POLR3B: variants seen among roughly 807,000 people sequenced by gnomAD.
The protein encoded by POLR3B is DNA-directed RNA polymerase III subunit RPC2.
POLR3B carries 96 observed loss-of-function variants against 147.4 expected under a neutral mutation model. The observed-to-expected ratio is 0.65, with a 90% confidence interval of 0.55 to 0.77. The LOEUF (loss-of-function observed/expected upper bound fraction) is 0.77, where lower values mean the gene tolerates loss of function less well. Ranked by LOEUF, POLR3B falls within the 30% of genes least tolerant of loss-of-function variation. The pLI, the probability that POLR3B is intolerant of heterozygous loss-of-function variation, is 0.00. For synonymous variants in POLR3B, 461 were observed against 485.9 expected (o/e 0.95, Z 0.67); for missense variants, 1,036 against 1,413.5 (o/e 0.73, Z 4.28).
chr12:106,469,470 G>T (rs181884053), intron 23 of POLR3B, among the ~76,000 whole-genome samples: 2 of 152,100 alleles, frequency 1.3e-5, no homozygotes, highest in Admixed American at 6.6e-5. Context: ...ATATTGTTAT[G>T]TGTGAATTTG....
intron 23 of POLR3B, among the ~76,000 whole-genome samples, chr12:106,485,310 C>G (rs2038322508): frequency 6.6e-6 from 1 of 152,104 alleles, no homozygotes; most frequent in Non-Finnish European, 1.5e-5. Context: ...ACCTAACCAC[C>G]TCTTAAAGGC....
intron 23 of POLR3B, 151 bp downstream of exon 23, chr12:106,463,771 C>T (rs2037970194): frequency 2.8e-6 from 2 of 703,400 alleles, no homozygotes; most frequent in East Asian, 2.8e-5. Context: ...TTAGATTAAC[C>T]TGTTTATATT....
intron 10 of POLR3B, among the ~76,000 whole-genome samples, chr12:106,400,455 C>G (rs146746699): frequency 2.6e-4 from 39 of 152,242 alleles, no homozygotes; most frequent in African/African-American, 8.9e-4. Flanking sequence ...GAATTGAACT[C>G]GACTCTGCAC....
chr12:106,468,553 C>T (rs2038041109), intron 23 of POLR3B, among the ~76,000 whole-genome samples: 1 of 152,156 alleles, frequency 6.6e-6, no homozygotes. Context: ...GATTTTAGAT[C>T]TCTCCTGCTT....
chr12:106,361,110 G>A (rs1237186727), intron 1 of POLR3B, among the ~76,000 whole-genome samples: 1 of 152,214 alleles, frequency 6.6e-6, no homozygotes, highest in Non-Finnish European at 1.5e-5. Flanking sequence ...AAGAGTTGTA[G>A]AGAATGAGGT....
chr12:106,411,312 AT>A (rs2037223805), intron 12 of POLR3B, among the ~76,000 whole-genome samples: 1 of 151,938 alleles, frequency 6.6e-6, no homozygotes, highest in African/African-American at 2.4e-5. Context: ...CTAATTTTGT[AT>A]TTTTGGTAGA....
intron 23 of POLR3B, among the ~76,000 whole-genome samples, chr12:106,480,960 G>A (rs2038258958): frequency 1.3e-5 from 2 of 152,132 alleles, no homozygotes; most frequent in South Asian, 4.1e-4. Context: ...AGTGGTTGGG[G>A]AACAACACCA....
intron 10 of POLR3B, among the ~76,000 whole-genome samples, chr12:106,404,983 A>AT (rs1460178689): frequency 1.3e-5 from 2 of 152,126 alleles, no homozygotes; most frequent in Non-Finnish European, 2.9e-5. Flanking sequence ...TGTTGAGAAG[A>AT]TTTTTCCTTC....
intron 23 of POLR3B, among the ~76,000 whole-genome samples, chr12:106,469,416 G>A (rs1277707854): frequency 6.6e-6 from 1 of 151,998 alleles, no homozygotes; most frequent in East Asian, 1.9e-4. Context: ...TTGCCAGTCT[G>A]TGTCTTTTAA....
intron 19 of POLR3B, among the ~76,000 whole-genome samples, chr12:106,450,785 A>G (rs2037784717): frequency 6.6e-6 from 1 of 152,140 alleles, no homozygotes; most frequent in South Asian, 2.1e-4. Context: ...AATTCTTTGG[A>G]ATGTTCTTAA....
At chr12:106,466,175 G>C (rs2038003355) in intron 23 of POLR3B, among the ~76,000 whole-genome samples, 1 of 152,070 alleles carries the variant, frequency 6.6e-6, no homozygotes, top group Admixed American at 6.6e-5. Flanking sequence ...TCTCATTGTG[G>C]TTTGATTTGC....
intron 18 of POLR3B, 122 bp downstream of exon 18, chr12:106,437,901 T>C (rs988842413): frequency 2.6e-5 from 18 of 695,726 alleles, no homozygotes; most frequent in Non-Finnish European, 4.3e-5. Context: ...GTTAGAAATA[T>C]ACAATCTTCT....
chr12:106,466,709 A>T (rs991886904), intron 23 of POLR3B, among the ~76,000 whole-genome samples: 2 of 152,044 alleles, frequency 1.3e-5, no homozygotes, highest in Admixed American at 6.6e-5. Flanking sequence ...TAAATAGGGA[A>T]TTTTTTCCCC....
intron 13 of POLR3B, among the ~76,000 whole-genome samples, chr12:106,428,959 A>C (rs541878318): frequency 2.6e-5 from 4 of 152,280 alleles, no homozygotes; most frequent in South Asian, 2.1e-4. Flanking sequence ...AAGCCTTAGC[A>C]GTTTTTCTGC....
intron 4 of POLR3B, among the ~76,000 whole-genome samples, chr12:106,368,991 T>G (rs2136886224): frequency 6.6e-6 from 1 of 152,284 alleles, no homozygotes; most frequent in Non-Finnish European, 1.5e-5. Context: ...CTCTTTACAC[T>G]TTGCTCTTTC....
chr12:106,442,008 A>T (rs772496732), intron 18 of POLR3B, among the ~76,000 whole-genome samples: 3 of 150,622 alleles, frequency 2.0e-5, no homozygotes, highest in Non-Finnish European at 2.9e-5. Context: ...TGAACCCGGG[A>T]GGCGGAGGTT....
At chr12:106,429,236 C>T (rs2037476577) in intron 13 of POLR3B, among the ~76,000 whole-genome samples, 1 of 152,116 alleles carries the variant, frequency 6.6e-6, no homozygotes, top group South Asian at 2.1e-4. Flanking sequence ...CCCTGCAGCC[C>T]CTGCCTTTTG....
At chr12:106,409,539 A>G (rs1381870116) in intron 11 of POLR3B, among the ~76,000 whole-genome samples, 1 of 151,594 alleles carries the variant, frequency 6.6e-6, no homozygotes, top group African/African-American at 2.4e-5. Flanking sequence ...GAGTAAATTG[A>G]CCTAGAGAAG....
intron 12 of POLR3B, among the ~76,000 whole-genome samples, chr12:106,421,306 G>T (rs1262038810): frequency 6.6e-6 from 1 of 151,902 alleles, no homozygotes; most frequent in Non-Finnish European, 1.5e-5. Context: ...CTCTAAGGAG[G>T]ATTGCCTAGT....
Sources: gnomAD v4.1 joint callset for allele counts (sites outside exome capture counted in the v4.1 genomes callset) on GRCh38, gnomAD v4.1.1 for gene constraint, MANE v1.5 for transcripts, NCBI Gene and HGNC (gene_info 2026-07-23, HGNC 2026-07-21) for gene names.